The following CAMTA1 variants were observed in gnomAD, a reference collection of about 807,000 sequenced individuals.
CAMTA1 encodes the protein calmodulin binding transcription activator 1, also known as calmodulin-binding transcription activator 1.
CAMTA1 carries 27 observed loss-of-function variants against 170.9 expected under a neutral mutation model. The ratio of observed to expected loss-of-function variants is 0.16; its 90% CI spans 0.12 to 0.22. The LOEUF (loss-of-function observed/expected upper bound fraction) is 0.22. Among genes scored for constraint, CAMTA1 ranks in the 10% least tolerant of loss-of-function variants. The pLI is 1.00. For synonymous variants in CAMTA1, 833 were observed against 891.5 expected (o/e 0.93, Z 1.17); for missense variants, 1,619 against 2,217.2 (o/e 0.73, Z 5.42).
rs1372890350 is a variant in CAMTA1, at chr1:7,680,814, G to GC, written c.2914+3081_2914+3082insC. On this transcript the variant is annotated intron_variant, in intron 11 of 22. Coordinates refer to ENST00000303635, the MANE Select transcript of CAMTA1 (RefSeq NM_015215.4). This position sits in a 1 kb window ranked among gnomAD's most constrained non-coding sequence, Gnocchi z 4.4. ...TTGTTTGCTTGGCTAAAGGCCGGGGGGGGGCGTGGGTCCGGGGCGCAGAGA... is the reference window on the plus strand; with the variant it reads ...TTGTTTGCTTGGCTAAAGGCCGGGGGCGGGGCGTGGGTCCGGGGCGCAGAGA... Among the ~76,000 whole-genome samples the GC allele has an allele frequency of 8.8e-5, 4 of 45,594 alleles. No homozygotes were observed. Among genetic ancestry groups the GC allele is most frequent in the African/African-American group, 1.6e-4 (2 of 12,888 alleles). The allele number at this position is 45,594 out of a possible 152,430, so 29.9% of individuals were successfully genotyped here. A position where few individuals can be genotyped will look rare whatever the true frequency, so the allele number is the denominator to read the frequency against.
At chr1:7,256,920 T>C (rs554050489) in intron 5 of CAMTA1, among the ~76,000 whole-genome samples, 2 of 152,150 alleles carry the variant, frequency 1.3e-5, no homozygotes, top group African/African-American at 4.8e-5. Flanking sequence ...GGTGCATAGA[T>C]GGCCATCTTC....
intron 4 of CAMTA1, among the ~76,000 whole-genome samples, chr1:7,198,329 C>T (rs1410475356): frequency 6.6e-6 from 1 of 151,940 alleles, no homozygotes; most frequent in African/African-American, 2.4e-5. Context: ...TGCCCCCACT[C>T]CCCTACCCCC....
In CAMTA1 at chr1:7,379,718, A is replaced by G. The variant is rs143097701; in HGVS notation, c.439-88112A>G. 9.5e-4 allele frequency among the ~76,000 whole-genome samples: 145 copies of G among 152,228 alleles called. 1 individual carries two copies. Among genetic ancestry groups the G allele is most frequent in the Non-Finnish European group, 1.4e-3 (97 of 68,038 alleles). On this transcript the variant is annotated intron_variant, in intron 5 of 22. Transcript: ENST00000303635. ...GTGGCCGTCTGAACTGGCAGGCAGC[A>G]TTAAAAGGGGACTGAACTCCTTCAC...
At chr1:7,448,099 A>G (rs919264018) in intron 5 of CAMTA1, among the ~76,000 whole-genome samples, 3 of 152,196 alleles carry the variant, frequency 2.0e-5, no homozygotes, top group African/African-American at 7.2e-5. Context: ...ATGTGTTTGC[A>G]GAGCAGAGAG....
intron 1 of CAMTA1, among the ~76,000 whole-genome samples, chr1:6,791,341 T>C (rs572276577): frequency 1.3e-5 from 2 of 152,314 alleles, no homozygotes. Context: ...TGCTTCTTGT[T>C]TCCCTAAGAA....
At chr1:7,638,404 G>A (rs1367171796) in intron 6 of CAMTA1, among the ~76,000 whole-genome samples, 4 of 152,200 alleles carry the variant, frequency 2.6e-5, no homozygotes, top group Non-Finnish European at 4.4e-5. Flanking sequence ...AGTTTGGGAG[G>A]CCGAGGAAGG....
At chr1:7,655,126 C>CT (rs2095880959) in intron 7 of CAMTA1, among the ~76,000 whole-genome samples, 1 of 61,222 alleles carries the variant, frequency 1.6e-5, no homozygotes, top group Non-Finnish European at 3.0e-5. Flanking sequence ...ATACACACAC[C>CT]TCTATACACA....
At chr1:7,747,101 A>G (rs1198522653) in intron 18 of CAMTA1, among the ~76,000 whole-genome samples, 1 of 152,242 alleles carries the variant, frequency 6.6e-6, no homozygotes, top group Non-Finnish European at 1.5e-5. Context: ...TGTAATGGTT[A>G]TCACCATGTC....
chr1:7,474,124 C>T (rs1253326575), intron 6 of CAMTA1, among the ~76,000 whole-genome samples: 1 of 152,228 alleles, frequency 6.6e-6, no homozygotes, highest in Non-Finnish European at 1.5e-5. Context: ...TTAGGATCAC[C>T]CAAAGAAGCA....
chr1:7,748,982 C>G lies in CAMTA1; in HGVS notation c.4689+1201C>G, dbSNP rs1177188658. Among the ~76,000 whole-genome samples, 1 of 152,068 alleles carries G rather than the reference C, an allele frequency of 6.6e-6. No individual in the cohort carries two copies. Among genetic ancestry groups the G allele is most frequent in the Non-Finnish European group, 1.5e-5 (1 of 68,018 alleles). ...GTAAGCAGTATTTATTTCCAGTTTA[C>G]AGATGAAGAAGCTGAAGCTCAGAGA... On this transcript the variant is annotated intron_variant, in intron 19 of 22. Transcript: ENST00000303635. This position sits in a 1 kb window ranked among gnomAD's most constrained non-coding sequence, Gnocchi z 4.7.
At chr1:7,555,801 C>A (rs1477835886) in intron 6 of CAMTA1, among the ~76,000 whole-genome samples, 3 of 152,154 alleles carry the variant, frequency 2.0e-5, no homozygotes, top group Non-Finnish European at 2.9e-5. Context: ...CCCCAGGTCA[C>A]CACTAGGTCT....
intron 3 of CAMTA1, among the ~76,000 whole-genome samples, chr1:6,926,116 G>A (rs1448394773): frequency 1.3e-5 from 2 of 152,246 alleles, no homozygotes; most frequent in Non-Finnish European, 2.9e-5. Flanking sequence ...TTAGGAGAAT[G>A]AAATAAGTTA....
chr1:6,900,336 C>T (rs1451774993), intron 3 of CAMTA1, among the ~76,000 whole-genome samples: 1 of 152,140 alleles, frequency 6.6e-6, no homozygotes, highest in Non-Finnish European at 1.5e-5. Context: ...ATGAGACAGC[C>T]TCCTGTCATC....
chr1:7,651,078 C>G (rs994625716), intron 7 of CAMTA1, among the ~76,000 whole-genome samples: 2 of 152,184 alleles, frequency 1.3e-5, no homozygotes, highest in Non-Finnish European at 2.9e-5. Flanking sequence ...AGCAGCCACA[C>G]GTCCAGGGTT....
At chr1:7,496,974 G>A (rs777466158) in intron 6 of CAMTA1, among the ~76,000 whole-genome samples, 1 of 151,086 alleles carries the variant, frequency 6.6e-6, no homozygotes, top group Non-Finnish European at 1.5e-5. Flanking sequence ...GGCACAGCCC[G>A]GGAAGGGAGG....
Position 6,934,957 on chromosome 1 carries a change from T to C in CAMTA1, c.234+109747T>C, listed in dbSNP as rs1266821843. Among the ~76,000 whole-genome samples the C allele has an allele frequency of 3.9e-5, 6 of 152,156 alleles. No individual in the cohort carries two copies. On this transcript the variant is annotated intron_variant, in intron 3 of 22. Coordinates refer to ENST00000303635, the MANE Select transcript of CAMTA1 (RefSeq NM_015215.4). This position sits in a 1 kb window ranked among gnomAD's most constrained non-coding sequence, Gnocchi z 4.5. ...ACCACAGGCAGCAAGAGCAACAGATTTCCCTGCAATATGTTACAAGGGGAA... is the reference window on the plus strand; with the variant it reads ...ACCACAGGCAGCAAGAGCAACAGATCTCCCTGCAATATGTTACAAGGGGAA...
intron 6 of CAMTA1, among the ~76,000 whole-genome samples, chr1:7,554,446 C>T (rs777206733): frequency 9.2e-5 from 14 of 152,118 alleles, no homozygotes; most frequent in Non-Finnish European, 1.5e-4. Flanking sequence ...CTTCCCCTCC[C>T]GTGCCCAGGG....
chr1:7,569,603 TCAC>T (rs919706201), intron 6 of CAMTA1, among the ~76,000 whole-genome samples: 2 of 151,542 alleles, frequency 1.3e-5, no homozygotes, highest in African/African-American at 2.4e-5. Flanking sequence ...ATCAGTGTCA[TCAC>T]CACCATCACC....
rs2094706042 is a variant in CAMTA1, at chr1:7,547,245, T to G, written c.510+79344T>G. ...ATTTCTCCAAAGAAACCTGGTTTCT[T>G]TTAGTGGAAAGTGGTGTTTAGAAGC... On this transcript the variant is annotated intron_variant, in intron 6 of 22. Coordinates refer to ENST00000303635, the MANE Select transcript of CAMTA1 (RefSeq NM_015215.4). This position sits in a 1 kb window ranked among gnomAD's most constrained non-coding sequence, Gnocchi z 5.7. Among the ~76,000 whole-genome samples, 3 of 152,186 alleles carry G rather than the reference T, an allele frequency of 2.0e-5. No homozygotes were observed. In the South Asian group the frequency reaches 6.3e-4, roughly 32 times the overall value.
Sources: gnomAD v4.1 joint callset for allele counts (sites outside exome capture counted in the v4.1 genomes callset) on GRCh38, gnomAD v4.1.1 for gene constraint, Gnocchi (gnomAD v3.1) non-coding constraint, MANE v1.5 for transcripts, NCBI Gene and HGNC (gene_info 2026-07-23, HGNC 2026-07-21) for gene names.